PCDHGA2: variants seen among roughly 807,000 people sequenced by gnomAD.
PCDHGA2 encodes the protein protocadherin gamma-A2.
Under a neutral mutation model 59.2 loss-of-function variants are expected in PCDHGA2, and 40 were observed. The observed-to-expected ratio is 0.68, with a 90% confidence interval of 0.52 to 0.88. The LOEUF (loss-of-function observed/expected upper bound fraction) is 0.88. Ranked by LOEUF, PCDHGA2 falls within the 40% of genes least tolerant of loss-of-function variation. The probability of loss-of-function intolerance (pLI) is 0.00; values close to 1 mark genes in which losing one functional copy is unlikely to be tolerated. For synonymous variants in PCDHGA2, 560 were observed against 526.0 expected (o/e 1.06, Z -0.89); for missense variants, 1,226 against 1,204.0 (o/e 1.02, Z -0.27).
intron 1 of PCDHGA2, among the ~76,000 whole-genome samples, chr5:141,407,274 A>G (rs763803896): frequency 2.0e-5 from 3 of 152,232 alleles, no homozygotes; most frequent in Non-Finnish European, 2.9e-5. Context: ...GCAACAAGAA[A>G]ATTGTTACAA....
At chr5:141,502,525 G>A (rs1258704254) in intron 2 of PCDHGA2, among the ~76,000 whole-genome samples, 1 of 152,074 alleles carries the variant, frequency 6.6e-6, no homozygotes, top group Non-Finnish European at 1.5e-5. Flanking sequence ...CAGTGATGCC[G>A]AGTTTGTTCG....
intron 1 of PCDHGA2, chr5:141,413,792 G>C (rs1390056342): frequency 6.2e-7 from 1 of 1,613,134 alleles, no homozygotes; most frequent in South Asian, 1.1e-5. Context: ...TCCCTAGATC[G>C]CGAGGAAGAG....
intron 1 of PCDHGA2, among the ~76,000 whole-genome samples, chr5:141,443,780 A>G (rs1337883957): frequency 6.6e-6 from 1 of 152,202 alleles, no homozygotes; most frequent in Non-Finnish European, 1.5e-5. Flanking sequence ...TACCAAAAAG[A>G]CAAAAAAAAT....
intron 1 of PCDHGA2, chr5:141,408,468 G>T: frequency 6.2e-7 from 1 of 1,614,070 alleles, no homozygotes; most frequent in Non-Finnish European, 8.5e-7. Context: ...GTGAAGAACC[G>T]AATAGACCGT....
At chr5:141,443,952 A>T (rs1355073040) in intron 1 of PCDHGA2, among the ~76,000 whole-genome samples, 4 of 152,134 alleles carry the variant, frequency 2.6e-5, no homozygotes, top group Non-Finnish European at 4.4e-5. Context: ...CCTTATTGGT[A>T]TGTATTCTGT....
At chr5:141,501,319 A>G (rs2099807834) in intron 2 of PCDHGA2, among the ~76,000 whole-genome samples, 1 of 151,710 alleles carries the variant, frequency 6.6e-6, no homozygotes, top group Non-Finnish European at 1.5e-5. Context: ...ACACACACAC[A>G]CACACACACA....
chr5:141,394,115 T>A, intron 1 of PCDHGA2: 1 of 1,613,954 alleles, frequency 6.2e-7, no homozygotes, highest in Non-Finnish European at 8.5e-7. Context: ...CTCTGTCCAC[T>A]GAAACTCAAA....
At chr5:141,369,892 TATG>T (rs1425925280) in intron 1 of PCDHGA2, among the ~76,000 whole-genome samples, 1 of 152,208 alleles carries the variant, frequency 6.6e-6, no homozygotes. Context: ...AAGATATTAT[TATG>T]ACCATTTTAT....
At chr5:141,416,200 T>G (rs1318033556) in intron 1 of PCDHGA2, 2 of 152,444 alleles carry the variant, frequency 1.3e-5, no homozygotes, top group African/African-American at 4.8e-5. Context: ...ATTAACAATT[T>G]ATTTATAACA....
chr5:141,418,985 T>C, intron 1 of PCDHGA2: 1 of 1,613,882 alleles, frequency 6.2e-7, no homozygotes, highest in Non-Finnish European at 8.5e-7. Context: ...GGACCAAGAC[T>C]CAGGGGAAAA....
intron 1 of PCDHGA2, chr5:141,360,473 C>T: frequency 6.2e-7 from 1 of 1,613,878 alleles, no homozygotes; most frequent in Non-Finnish European, 8.5e-7. Flanking sequence ...GCTGAAAATC[C>T]ACTAAATATT....
chr5:141,407,659 T>C (rs1443799600), intron 1 of PCDHGA2, among the ~76,000 whole-genome samples: 1 of 152,136 alleles, frequency 6.6e-6, no homozygotes, highest in East Asian at 1.9e-4. Flanking sequence ...GGGAGCGCAG[T>C]ATATATTAAA....
intron 1 of PCDHGA2, chr5:141,345,461 C>G: frequency 1.2e-6 from 2 of 1,614,160 alleles, no homozygotes; most frequent in Non-Finnish European, 1.7e-6. Flanking sequence ...CAGTGACAGC[C>G]CAGGACCCAG....
intron 1 of PCDHGA2, among the ~76,000 whole-genome samples, chr5:141,406,629 A>G (rs2094832755): frequency 6.6e-6 from 1 of 152,188 alleles, no homozygotes; most frequent in Non-Finnish European, 1.5e-5. Context: ...TCATATCTTC[A>G]AAGGTCTTAA....
Position 141,432,916 on chromosome 5 carries a change from G to A in PCDHGA2, c.2425-61891G>A, listed in dbSNP as rs1303459899. ...TGCTGGCGCTCAGGCTGCGGCGCTG[G>A]CACAAGTCACGCCTGCTGCAGGCTT... is the stretch of plus-strand genomic sequence containing the variant. On this transcript the variant is annotated intron_variant, in intron 1 of 3. Transcript: ENST00000394576. This position sits in a 1 kb window ranked among gnomAD's most constrained non-coding sequence, Gnocchi z 6.0. 1.2e-6 allele frequency: 2 copies of A among 1,614,078 alleles called. No individual in the cohort carries two copies. The highest frequency in any genetic ancestry group is 1.7e-6 in the Non-Finnish European group (2 of 1,180,048).
chr5:141,431,828 C>T lies in PCDHGA2; in HGVS notation c.2425-62979C>T. The T allele has an allele frequency of 6.2e-7, 1 of 1,610,208 alleles. No individual in the cohort carries two copies. Among genetic ancestry groups the T allele is most frequent in the Non-Finnish European group, 8.5e-7 (1 of 1,176,374 alleles). On this transcript the variant is annotated intron_variant, in intron 1 of 3. Transcript: ENST00000394576. This position sits in a 1 kb window ranked among gnomAD's most constrained non-coding sequence, Gnocchi z 4.8. Reference sequence around the variant, plus strand: ...CCTCACCTCTCTCGCCAGCTCGGTTCCCGAAAACTCTCCCAGAGGGACATT... The same window carrying T: ...CCTCACCTCTCTCGCCAGCTCGGTTTCCGAAAACTCTCCCAGAGGGACATT...
At chr5:141,396,830 G>C (rs1014090361) in intron 1 of PCDHGA2, among the ~76,000 whole-genome samples, 1 of 152,198 alleles carries the variant, frequency 6.6e-6, no homozygotes, top group African/African-American at 2.4e-5. Flanking sequence ...TGCATATTCA[G>C]TGGAGTGGGA....
chr5:141,462,388 C>T (rs529638718), intron 1 of PCDHGA2, among the ~76,000 whole-genome samples: 86 of 152,204 alleles, frequency 5.7e-4, no homozygotes, highest in Non-Finnish European at 9.4e-4. Context: ...AATTCGTTAA[C>T]ATTTCTTTTA....
chr5:141,351,719 A>G (rs1758798899), intron 1 of PCDHGA2: 1 of 1,613,794 alleles, frequency 6.2e-7, no homozygotes, highest in Non-Finnish European at 8.5e-7. Flanking sequence ...CTCCTACTCT[A>G]TTCTGGCCAG....
Sources: allele counts gnomAD v4.1 joint callset (sites outside exome capture counted in the v4.1 genomes callset), GRCh38; gene constraint gnomAD v4.1.1; non-coding constraint Gnocchi (gnomAD v3.1); transcripts MANE v1.5; gene names NCBI Gene and HGNC (gene_info 2026-07-23, HGNC 2026-07-21).